R3HDM2: variants seen among roughly 807,000 people sequenced by gnomAD.
The protein encoded by R3HDM2 is R3H domain containing 2, also known as R3H domain-containing protein 2.
A neutral mutation model predicts 124.5 loss-of-function variants in R3HDM2; 38 were observed. The observed-to-expected ratio is 0.31, with a 90% CI of 0.24 to 0.40. The LOEUF (loss-of-function observed/expected upper bound fraction) is 0.40, where lower values mean the gene tolerates loss of function less well. R3HDM2 is among the 10% of genes least tolerant of loss of function. The pLI is 1.00. For missense variants in R3HDM2, 869 were observed against 1,236.9 expected (o/e 0.70, Z 4.46); for synonymous variants, 391 against 448.0 (o/e 0.87, Z 1.61).
At chr12:57,331,813 C>G (rs1012443077) in intron 2 of R3HDM2, among the ~76,000 whole-genome samples, 8 of 151,596 alleles carry the variant, frequency 5.3e-5, no homozygotes, top group Admixed American at 6.6e-5. Flanking sequence ...ACTTGGGAGG[C>G]TGAGGCAGGA....
At chr12:57,403,054 G>A (rs1164026824) in intron 1 of R3HDM2, among the ~76,000 whole-genome samples, 1 of 152,028 alleles carries the variant, frequency 6.6e-6, no homozygotes, top group African/African-American at 2.4e-5. Context: ...GACTGGTTTG[G>A]GGGTATAAGA....
intron 2 of R3HDM2, among the ~76,000 whole-genome samples, chr12:57,361,932 C>T (rs1005867431): frequency 4.6e-5 from 7 of 152,070 alleles, no homozygotes; most frequent in Non-Finnish European, 8.8e-5. Flanking sequence ...AAGAAAATCA[C>T]TAAGAGCCTG....
intron 10 of R3HDM2, among the ~76,000 whole-genome samples, chr12:57,294,460 T>C (rs1213426147): frequency 6.6e-6 from 1 of 152,124 alleles, no homozygotes; most frequent in Non-Finnish European, 1.5e-5. Context: ...TTGTCCACAA[T>C]AGATAATGGC....
intron 1 of R3HDM2, among the ~76,000 whole-genome samples, chr12:57,422,018 G>A (rs113971837): frequency 9.3e-5 from 14 of 151,272 alleles, no homozygotes; most frequent in Admixed American, 1.3e-4. Context: ...GCTTGAACCC[G>A]GGAGGCAGAG....
chr12:57,405,972 C>G (rs1438333056), intron 1 of R3HDM2, among the ~76,000 whole-genome samples: 1 of 151,978 alleles, frequency 6.6e-6, no homozygotes, highest in Non-Finnish European at 1.5e-5. Context: ...ACATAGGAGC[C>G]AACTTGAAGA....
chr12:57,257,962 A>G, intron 21 of R3HDM2, 28 bp downstream of exon 21: 5 of 1,447,800 alleles, frequency 3.5e-6, no homozygotes, highest in Non-Finnish European at 4.6e-6. Context: ...TGAATTCCAT[A>G]GCAGCCAGCA....
chr12:57,424,801 C>A (rs1418641097), intron 1 of R3HDM2, among the ~76,000 whole-genome samples: 1 of 152,018 alleles, frequency 6.6e-6, no homozygotes, highest in Non-Finnish European at 1.5e-5. Context: ...AACTTCTGGG[C>A]TCAAGCAATC....
chr12:57,415,930 G>A (rs1228293536), intron 1 of R3HDM2, among the ~76,000 whole-genome samples: 1 of 152,168 alleles, frequency 6.6e-6, no homozygotes, highest in African/African-American at 2.4e-5. Flanking sequence ...ACAATTAAAT[G>A]CAACACATGT....
At chr12:57,361,884 C>A (rs1376315373) in intron 2 of R3HDM2, among the ~76,000 whole-genome samples, 1 of 152,068 alleles carries the variant, frequency 6.6e-6, no homozygotes, top group Non-Finnish European at 1.5e-5. Flanking sequence ...GCAGCTTTTG[C>A]CAACCAAGAA....
intron 2 of R3HDM2, among the ~76,000 whole-genome samples, chr12:57,382,706 G>A (rs2065077524): frequency 6.6e-6 from 1 of 151,500 alleles, no homozygotes; most frequent in South Asian, 2.1e-4. Context: ...CGTGGTGGCA[G>A]GCACCTGCAG....
chr12:57,398,205 CAA>C (rs1213496972), intron 1 of R3HDM2, among the ~76,000 whole-genome samples: 11 of 121,816 alleles, frequency 9.0e-5, no homozygotes, highest in Middle Eastern at 4.3e-3. Flanking sequence ...GACTCTGCCT[CAA>C]AAAAAAAAAA....
In R3HDM2 at chr12:57,333,912, C is replaced by T. The variant is rs562555664; in HGVS notation, c.-35-23449G>A. On this transcript the variant is annotated intron_variant, in intron 2 of 23. Transcript: ENST00000402412. Reference sequence around the variant, plus strand: ...AAAAAATTAGCCGGGCGTGGTGGCACGTGCCTGTAATCCCAACTACTTGGG... The same window carrying T: ...AAAAAATTAGCCGGGCGTGGTGGCATGTGCCTGTAATCCCAACTACTTGGG... Among the ~76,000 whole-genome samples the T allele has an allele frequency of 2.6e-5, 4 of 151,576 alleles. No individual in the cohort carries two copies. The South Asian group carries it at 6.3e-4, about 24-fold the overall frequency.
intron 2 of R3HDM2, among the ~76,000 whole-genome samples, chr12:57,371,863 T>TTTG (rs1043612032): frequency 2.0e-5 from 3 of 152,172 alleles, no homozygotes; most frequent in Non-Finnish European, 2.9e-5. Flanking sequence ...ATTGTCCTTT[T>TTTG]TTGTTGTTGT....
intron 3 of R3HDM2, among the ~76,000 whole-genome samples, chr12:57,303,738 C>T (rs566142223): frequency 2.2e-4 from 34 of 152,008 alleles, no homozygotes; most frequent in Middle Eastern, 3.4e-3. Context: ...GCCGAGATCA[C>T]GCTACTGCAC....
intron 1 of R3HDM2, among the ~76,000 whole-genome samples, chr12:57,415,759 T>C (rs911186281): frequency 1.3e-5 from 2 of 152,230 alleles, no homozygotes; most frequent in Non-Finnish European, 2.9e-5. Context: ...CTGGGTAGTA[T>C]TCTTGCCAAG....
At chr12:57,288,770 G>T in intron 12 of R3HDM2, 1 of 1,160,632 alleles carries the variant, frequency 8.6e-7, no homozygotes, top group Non-Finnish European at 1.2e-6. Flanking sequence ...AGCCATGCAT[G>T]GAGCAAACCC....
At chr12:57,378,946 C>T (rs1044854920) in intron 2 of R3HDM2, among the ~76,000 whole-genome samples, 4 of 152,182 alleles carry the variant, frequency 2.6e-5, no homozygotes, top group Middle Eastern at 3.4e-3. Flanking sequence ...CTTGACGACA[C>T]GCTAAAGCCA....
At chr12:57,316,742 C>A (rs1439897453) in intron 2 of R3HDM2, among the ~76,000 whole-genome samples, 1 of 151,232 alleles carries the variant, frequency 6.6e-6, no homozygotes, top group African/African-American at 2.4e-5. Flanking sequence ...TGCACCACCA[C>A]GCCCAGCTAT....
chr12:57,426,214 C>A (rs909720181), intron 1 of R3HDM2, among the ~76,000 whole-genome samples: 4 of 151,814 alleles, frequency 2.6e-5, no homozygotes, highest in African/African-American at 9.7e-5. Context: ...GGCGACAGAG[C>A]GAGACTCCAT....
Sources: gnomAD v4.1 joint callset for allele counts (sites outside exome capture counted in the v4.1 genomes callset) on GRCh38, gnomAD v4.1.1 for gene constraint, MANE v1.5 for transcripts, NCBI Gene and HGNC (gene_info 2026-07-23, HGNC 2026-07-21) for gene names.